TIAM1: variants seen among roughly 807,000 people sequenced by gnomAD.
TIAM1 encodes the protein rho guanine nucleotide exchange factor TIAM1.
Under a neutral mutation model 163.5 loss-of-function variants are expected in TIAM1, and 65 were observed. That is an observed-to-expected ratio of 0.40 (90% CI 0.33 to 0.49). The LOEUF is 0.49. TIAM1 is among the 20% of genes least tolerant of loss of function. The probability of loss-of-function intolerance (pLI) is 0.77; values close to 1 mark genes in which losing one functional copy is unlikely to be tolerated. For missense variants in TIAM1, 1,789 were observed against 2,044.7 expected (o/e 0.87, Z 2.41); for synonymous variants, 833 against 810.1 (o/e 1.03, Z -0.48).
chr21:31,306,086 A>G (rs1458566404), intron 2 of TIAM1, among the ~76,000 whole-genome samples: 2 of 151,154 alleles, frequency 1.3e-5, no homozygotes, highest in Non-Finnish European at 2.9e-5. Context: ...TAAATAACAG[A>G]ATGGCCTGGC....
At chr21:31,422,011 G>A (rs1399465705) in intron 2 of TIAM1, among the ~76,000 whole-genome samples, 1 of 152,026 alleles carries the variant, frequency 6.6e-6, no homozygotes, top group Non-Finnish European at 1.5e-5. Flanking sequence ...ATAGGTGACA[G>A]AATGACCCTG....
At chr21:31,466,583 C>G (rs1299539859) in intron 1 of TIAM1, among the ~76,000 whole-genome samples, 2 of 152,098 alleles carry the variant, frequency 1.3e-5, no homozygotes, top group Non-Finnish European at 2.9e-5. Flanking sequence ...AATAGTAACT[C>G]CAGGGAACAG....
intron 22 of TIAM1, 79 bp from the exon 23 acceptor site, chr21:31,136,120 A>C (rs372123597): frequency 1.6e-6 from 2 of 1,257,182 alleles, no homozygotes; most frequent in African/African-American, 1.5e-5. Context: ...AAAATTCAGC[A>C]TGCTGATATT....
At chr21:31,142,395 A>G in intron 20 of TIAM1, among the ~76,000 whole-genome samples, 1 of 148,962 alleles carries the variant, frequency 6.7e-6, no homozygotes. Context: ...AGGCGAGCGG[A>G]TCACTTGAGG....
At chr21:31,346,063 T>C (rs1788352673), upstream of TIAM1, among the ~76,000 whole-genome samples, 1 of 151,992 alleles carries the variant, frequency 6.6e-6, no homozygotes, top group South Asian at 2.1e-4. Context: ...TCTGGAGGCA[T>C]TTTTGGTTGT....
intron 1 of TIAM1, among the ~76,000 whole-genome samples, chr21:31,546,693 G>GA (rs914097305): frequency 2.6e-5 from 4 of 152,046 alleles, no homozygotes; most frequent in African/African-American, 9.7e-5. Context: ...CATGGCAAAG[G>GA]AAAAAATTCA....
chr21:31,327,541 G>A (rs1215325924), intron 2 of TIAM1, among the ~76,000 whole-genome samples: 1 of 149,458 alleles, frequency 6.7e-6, no homozygotes, highest in Non-Finnish European at 1.5e-5. Context: ...TTGGGAGGCT[G>A]AGGCATGAGA....
At chr21:31,465,942 G>A (rs928628299) in intron 1 of TIAM1, among the ~76,000 whole-genome samples, 4 of 151,920 alleles carry the variant, frequency 2.6e-5, no homozygotes, top group Admixed American at 2.6e-4. Context: ...TCCTGACCTT[G>A]TGATCCGCCC....
rs1342378344 is a variant in TIAM1, at chr21:31,118,677, G to A, written c.*1691C>T. 2 of 470,766 alleles carry A rather than the reference G, an allele frequency of 4.2e-6. No homozygotes were observed. Among genetic ancestry groups the A allele is most frequent in the Non-Finnish European group, 4.4e-6 (1 of 226,940 alleles). 29.2% of individuals were successfully genotyped at this position (470,766 alleles called of 1,614,324 possible). A position where few individuals can be genotyped will look rare whatever the true frequency, so the allele number is the denominator to read the frequency against. ...CTCTGCTTCCGTTTTCCATCTGGAC[G>A]CGATCGAACCGGAGATGATATGGAA... On this transcript the variant is annotated 3_prime_UTR_variant, in exon 28 of 28. Coordinates refer to ENST00000541036, the MANE Select transcript of TIAM1 (RefSeq NM_001353694.2).
intron 9 of TIAM1, among the ~76,000 whole-genome samples, chr21:31,213,866 C>CAAAAAAAAAAAAAAAAAA (rs35524539): frequency 3.6e-5 from 2 of 54,848 alleles, no homozygotes; most frequent in African/African-American, 1.2e-4. Context: ...CTCATCTCTA[C>CAAAAAAAAAAAAAAAAAA]AAAAAAAAAA....
At chr21:31,181,659 T>C (rs2085019913) in intron 15 of TIAM1, among the ~76,000 whole-genome samples, 1 of 146,908 alleles carries the variant, frequency 6.8e-6, no homozygotes. Flanking sequence ...CAGGGCTGAG[T>C]GGTGGTTTGG....
intron 2 of TIAM1, among the ~76,000 whole-genome samples, chr21:31,411,229 A>G (rs1442745283): frequency 6.6e-6 from 1 of 152,216 alleles, no homozygotes; most frequent in Non-Finnish European, 1.5e-5. Context: ...TGAACTTAAA[A>G]TAATAATAAT....
chr21:31,474,983 G>A (rs1267781823), intron 1 of TIAM1, among the ~76,000 whole-genome samples: 2 of 151,550 alleles, frequency 1.3e-5, no homozygotes, highest in Non-Finnish European at 2.9e-5. Context: ...AACAGGATTT[G>A]AATTGCAGCC....
At chr21:31,216,895 G>T (rs1389766339) in intron 9 of TIAM1, among the ~76,000 whole-genome samples, 1 of 152,200 alleles carries the variant, frequency 6.6e-6, no homozygotes, top group Non-Finnish European at 1.5e-5. Context: ...CTTTCATCCA[G>T]TGCCAGAGGC....
At chr21:31,267,005 G>T in intron 3 of TIAM1, 22 bp from the exon 4 acceptor site, 2 of 1,568,180 alleles carry the variant, frequency 1.3e-6, no homozygotes, top group South Asian at 2.4e-5. Flanking sequence ...CGGGGGGAAA[G>T]GGGAGAATTG....
At chr21:31,379,285 A>G (rs1369150574) in intron 2 of TIAM1, among the ~76,000 whole-genome samples, 3 of 152,252 alleles carry the variant, frequency 2.0e-5, no homozygotes, top group African/African-American at 2.4e-5. Context: ...ACTATTTTAT[A>G]TAAGGAACTT....
At chr21:31,500,442 G>C (rs2046813033) in intron 1 of TIAM1, among the ~76,000 whole-genome samples, 1 of 162 alleles carries the variant, frequency 6.2e-3, no homozygotes, top group South Asian at 0.25. Flanking sequence ...TTTGTCAGCT[G>C]ACATCAGGCC....
Position 31,273,062 on chromosome 21 carries a change from G to A in TIAM1, c.-12+3670C>T, listed in dbSNP as rs554194295. Among the ~76,000 whole-genome samples the A allele has an allele frequency of 5.3e-5, 8 of 152,048 alleles. No individual in the cohort carries two copies. In the East Asian group the frequency reaches 1.5e-3, roughly 29 times the overall value. On this transcript the variant is annotated intron_variant, in intron 3 of 27. Transcript: ENST00000541036. ...ACAACTAAAAACTCTGGACCAAAAA[G>A]TAAACAAAAGCAAACAAATAAAAAA...
chr21:31,433,636 A>T (rs2044115428), intron 2 of TIAM1, among the ~76,000 whole-genome samples: 1 of 152,214 alleles, frequency 6.6e-6, no homozygotes, highest in African/African-American at 2.4e-5. Flanking sequence ...GGAGGCTGAG[A>T]GATTTTAATT....
Sources: gnomAD v4.1 joint callset for allele counts (sites outside exome capture counted in the v4.1 genomes callset) on GRCh38, gnomAD v4.1.1 for gene constraint, MANE v1.5 for transcripts, NCBI Gene and HGNC (gene_info 2026-07-23, HGNC 2026-07-21) for gene names.